CADM2: variants seen among roughly 807,000 people sequenced by gnomAD.
The protein encoded by CADM2 is cell adhesion molecule 2.
In CADM2, 12 loss-of-function variants were observed where a neutral mutation model predicts 49.8. That is an observed-to-expected ratio of 0.24 (90% confidence interval 0.15 to 0.39). The LOEUF (loss-of-function observed/expected upper bound fraction) is 0.39, where lower values mean the gene tolerates loss of function less well. Ranked by LOEUF, CADM2 falls within the 10% of genes least tolerant of loss-of-function variation. CADM2 has a pLI of 1.00. For missense variants in CADM2, 378 were observed against 492.3 expected (o/e 0.77, Z 2.20); for synonymous variants, 214 against 175.4 (o/e 1.22, Z -1.74).
chr3:85,685,627 T>G lies in CADM2; in HGVS notation c.62-40895T>G, dbSNP rs947174885. Reference sequence around the variant, plus strand: ...ATTTTCTTTCTTTCTTTTTTTTTTTTTTTTTTTTGTTTTTAAGACGGAGTC... The same window carrying G: ...ATTTTCTTTCTTTCTTTTTTTTTTTGTTTTTTTTGTTTTTAAGACGGAGTC... On this transcript the variant is annotated intron_variant, in intron 1 of 9. Coordinates refer to ENST00000383699, the MANE Select transcript of CADM2 (RefSeq NM_001167675.2). Among the ~76,000 whole-genome samples the G allele has an allele frequency of 1.8e-4, 27 of 146,938 alleles. No individual in the cohort carries two copies. In the East Asian group the frequency reaches 4.5e-3, roughly 24 times the overall value.
At chr3:86,044,368 A>T (rs1302439072) in intron 8 of CADM2, among the ~76,000 whole-genome samples, 1 of 152,214 alleles carries the variant, frequency 6.6e-6, no homozygotes, top group African/African-American at 2.4e-5. Context: ...TTTACAAGAA[A>T]AAACAAACAA....
intron 1 of CADM2, among the ~76,000 whole-genome samples, chr3:85,124,875 C>T (rs1316291164): frequency 6.6e-6 from 1 of 151,976 alleles, no homozygotes; most frequent in Non-Finnish European, 1.5e-5. Context: ...CATAGGTACT[C>T]CAAGACAGTT....
chr3:85,459,483 G>A (rs1159376516), intron 1 of CADM2, among the ~76,000 whole-genome samples: 2 of 152,118 alleles, frequency 1.3e-5, no homozygotes, highest in Admixed American at 6.5e-5. Flanking sequence ...AGGGGACTAC[G>A]CTGTGTCAAA....
intron 2 of CADM2, among the ~76,000 whole-genome samples, chr3:85,739,121 C>T (rs2068271509): frequency 1.3e-5 from 2 of 152,058 alleles, no homozygotes; most frequent in African/African-American, 4.8e-5. Context: ...TTATCATTGG[C>T]TTCCTAAAAC....
chr3:85,190,836 T>A (rs2041191109), intron 1 of CADM2, among the ~76,000 whole-genome samples: 1 of 152,140 alleles, frequency 6.6e-6, no homozygotes, highest in Non-Finnish European at 1.5e-5. Context: ...GATTTATTGT[T>A]CTCATAAAGT....
intron 1 of CADM2, among the ~76,000 whole-genome samples, chr3:85,492,587 A>T (rs1003988423): frequency 4.0e-5 from 6 of 151,374 alleles, no homozygotes; most frequent in South Asian, 4.2e-4. Context: ...GACTCCATTT[A>T]AAAAAAAATG....
chr3:84,969,660 T>G (rs545353474), intron 1 of CADM2, among the ~76,000 whole-genome samples: 1 of 151,998 alleles, frequency 6.6e-6, no homozygotes, highest in Admixed American at 6.6e-5. Context: ...GAATAAATAT[T>G]TGCAGTGACT....
intron 1 of CADM2, among the ~76,000 whole-genome samples, chr3:85,251,878 AAG>A (rs2042781813): frequency 6.6e-6 from 1 of 151,972 alleles, no homozygotes; most frequent in African/African-American, 2.4e-5. Flanking sequence ...TCTTTAAACA[AAG>A]AATTCTCTAA....
rs571275082 is a variant in CADM2, at chr3:85,844,314, A to T, written c.239-38977A>T. On this transcript the variant is annotated intron_variant, in intron 3 of 9. Coordinates refer to ENST00000383699, the MANE Select transcript of CADM2 (RefSeq NM_001167675.2). ...TTCTCTATATTTTACCATACTTTGA[A>T]TTTTTTGTTATAATATTTTTTTATT... Among the ~76,000 whole-genome samples the T allele has an allele frequency of 3.3e-5, 5 of 152,174 alleles. No homozygotes were observed. The South Asian group carries it at 1.0e-3, about 32-fold the overall frequency.
intron 1 of CADM2, among the ~76,000 whole-genome samples, chr3:85,676,635 T>G (rs77212289): frequency 0.021 from 3,158 of 152,302 alleles, 92 homozygotes; most frequent in African/African-American, 0.07. Flanking sequence ...CTTCCTTACA[T>G]TAATCTAATT....
chr3:84,980,297 A>T (rs2032091951), intron 1 of CADM2, among the ~76,000 whole-genome samples: 1 of 152,090 alleles, frequency 6.6e-6, no homozygotes, highest in African/African-American at 2.4e-5. Context: ...AAGCCTGTGG[A>T]TTTTACAATT....
At chr3:85,320,788 A>T (rs979580117) in intron 1 of CADM2, among the ~76,000 whole-genome samples, 1 of 151,944 alleles carries the variant, frequency 6.6e-6, no homozygotes, top group Non-Finnish European at 1.5e-5. Context: ...TAGCTCATTT[A>T]TTTTTAATTC....
chr3:85,861,941 C>T (rs2075552744), intron 3 of CADM2, among the ~76,000 whole-genome samples: 1 of 151,948 alleles, frequency 6.6e-6, no homozygotes, highest in Non-Finnish European at 1.5e-5. Flanking sequence ...CATGTATTCA[C>T]CTTCATCACT....
chr3:85,988,356 C>G (rs1030438969), intron 8 of CADM2, among the ~76,000 whole-genome samples: 1 of 152,098 alleles, frequency 6.6e-6, no homozygotes, highest in Non-Finnish European at 1.5e-5. Flanking sequence ...AAGGTAACTA[C>G]AAGACAAGGA....
chr3:85,680,942 A>G (rs2066025581), intron 1 of CADM2, among the ~76,000 whole-genome samples: 1 of 152,200 alleles, frequency 6.6e-6, no homozygotes, highest in Non-Finnish European at 1.5e-5. Context: ...GTTTGGAGTC[A>G]TGAAAAAGAA....
At chr3:85,869,691 CTCTG>C (rs2075847406) in intron 3 of CADM2, among the ~76,000 whole-genome samples, 1 of 152,064 alleles carries the variant, frequency 6.6e-6, no homozygotes, top group African/African-American at 2.4e-5. Context: ...TGGAGTCTCA[CTCTG>C]TCTATCAGGC....
At chr3:85,718,351 C>T (rs566711530) in intron 1 of CADM2, among the ~76,000 whole-genome samples, 43 of 152,176 alleles carry the variant, frequency 2.8e-4, no homozygotes, top group African/African-American at 8.7e-4. Flanking sequence ...TATTGAGAAC[C>T]TTTTATTCCT....
chr3:85,286,698 T>A (rs549437500), intron 1 of CADM2, among the ~76,000 whole-genome samples: 2 of 152,272 alleles, frequency 1.3e-5, no homozygotes, highest in East Asian at 3.9e-4. Flanking sequence ...TAAGTATATA[T>A]TCCAATCTAT....
chr3:85,428,535 CA>C (rs1559835118), intron 1 of CADM2, among the ~76,000 whole-genome samples: 1 of 144,704 alleles, frequency 6.9e-6, no homozygotes, highest in African/African-American at 2.5e-5. Context: ...TATATACACA[CA>C]CATAAATAAA....
Sources: gnomAD v4.1 joint callset for allele counts (sites outside exome capture counted in the v4.1 genomes callset) on GRCh38, gnomAD v4.1.1 for gene constraint, MANE v1.5 for transcripts, NCBI Gene and HGNC (gene_info 2026-07-23, HGNC 2026-07-21) for gene names.